MGAT4C: variants seen among roughly 807,000 people sequenced by gnomAD.
The protein encoded by MGAT4C is alpha-1,3-mannosyl-glycoprotein 4-beta-N-acetylglucosaminyltransferase C.
Under a neutral mutation model 40.1 loss-of-function variants are expected in MGAT4C, and 19 were observed. The observed-to-expected ratio is 0.47, with a 90% CI of 0.33 to 0.70. The LOEUF is 0.70. Ranked by LOEUF, MGAT4C falls within the 30% of genes least tolerant of loss-of-function variation. The probability of loss-of-function intolerance (pLI) is 0.02; values close to 1 mark genes in which losing one functional copy is unlikely to be tolerated. For synonymous variants in MGAT4C, 181 were observed against 187.1 expected (o/e 0.97, Z 0.27); for missense variants, 491 against 563.2 (o/e 0.87, Z 1.30).
intron 1 of MGAT4C, among the ~76,000 whole-genome samples, chr12:86,189,737 A>AATTT: frequency 6.6e-6 from 1 of 152,186 alleles, no homozygotes; most frequent in South Asian, 2.1e-4. Flanking sequence ...TGAAAGCAAA[A>AATTT]CAAAAACTAA....
At chr12:86,046,232 T>C (rs1892384752) in intron 2 of MGAT4C, among the ~76,000 whole-genome samples, 1 of 152,172 alleles carries the variant, frequency 6.6e-6, no homozygotes, top group African/African-American at 2.4e-5. Flanking sequence ...ACCTCTCCCA[T>C]CAAGAAGTGA....
chr12:86,286,934 G>A (rs1359375103), intron 4 of MGAT4C, among the ~76,000 whole-genome samples: 1 of 152,068 alleles, frequency 6.6e-6, no homozygotes, highest in African/African-American at 2.4e-5. Flanking sequence ...TTTTCTGTGG[G>A]TGCATGGTAT....
At chr12:86,110,659 C>T (rs1877213443) in intron 1 of MGAT4C, among the ~76,000 whole-genome samples, 1 of 151,328 alleles carries the variant, frequency 6.6e-6, no homozygotes, top group Non-Finnish European at 1.5e-5. Flanking sequence ...AAACGTTTCT[C>T]TAAAAAGTAT....
At chr12:86,053,721 A>G (rs916393505) in intron 1 of MGAT4C, among the ~76,000 whole-genome samples, 1 of 152,036 alleles carries the variant, frequency 6.6e-6, no homozygotes, top group Admixed American at 6.6e-5. Context: ...GAACTCAAAC[A>G]AACTATTAGC....
chr12:85,982,127 T>G, intron 4 of MGAT4C, among the ~76,000 whole-genome samples: 1 of 152,190 alleles, frequency 6.6e-6, no homozygotes, highest in East Asian at 1.9e-4. Context: ...TCACATAATT[T>G]ATTAAGATCA....
intron 2 of MGAT4C, among the ~76,000 whole-genome samples, chr12:86,515,181 A>T (rs1239214404): frequency 6.6e-6 from 1 of 152,212 alleles, no homozygotes; most frequent in Non-Finnish European, 1.5e-5. Flanking sequence ...GGCAGCTAGC[A>T]TGATACTTAA....
rs564557079 is a variant in MGAT4C at position 86,131,037 on chromosome 12, A to G, written c.-56-81314T>C. ...CATACTTTGTTAGTTCATCAGTGATAGAACTATAGTGAAAACATCTCTCAA... is the reference window on the plus strand; with the variant it reads ...CATACTTTGTTAGTTCATCAGTGATGGAACTATAGTGAAAACATCTCTCAA... On this transcript the variant is annotated intron_variant, in intron 1 of 4. Coordinates refer to ENST00000611864, the MANE Select transcript of MGAT4C (RefSeq NM_001351288.2). Among the ~76,000 whole-genome samples, 8 of 152,216 alleles carry G rather than the reference A, an allele frequency of 5.3e-5. No homozygotes were observed. In the South Asian group the frequency reaches 1.2e-3, roughly 24 times the overall value.
At chr12:86,123,501 C>T (rs1480413410) in intron 1 of MGAT4C, among the ~76,000 whole-genome samples, 2 of 151,936 alleles carry the variant, frequency 1.3e-5, no homozygotes, top group East Asian at 3.9e-4. Flanking sequence ...ACATGTAATA[C>T]CAAATCTTCA....
At chr12:86,802,731 A>G (rs1593221356) in intron 1 of MGAT4C, among the ~76,000 whole-genome samples, 1 of 147,572 alleles carries the variant, frequency 6.8e-6, no homozygotes, top group East Asian at 2.0e-4. Flanking sequence ...CTCTTCAAGG[A>G]GAACTACAAA....
At chr12:86,626,432 C>T (rs1962806374) in intron 2 of MGAT4C, among the ~76,000 whole-genome samples, 1 of 152,104 alleles carries the variant, frequency 6.6e-6, no homozygotes, top group African/African-American at 2.4e-5. Flanking sequence ...CTCTCCAAAT[C>T]AGACAACCTT....
At chr12:86,143,191 C>T (rs989928773) in intron 1 of MGAT4C, among the ~76,000 whole-genome samples, 7 of 152,056 alleles carry the variant, frequency 4.6e-5, no homozygotes, top group African/African-American at 1.7e-4. Context: ...CCTGAGGGGG[C>T]CCAATATTTA....
At chr12:86,299,822 T>C (rs1429977746) in intron 4 of MGAT4C, among the ~76,000 whole-genome samples, 3 of 152,188 alleles carry the variant, frequency 2.0e-5, no homozygotes, top group African/African-American at 7.2e-5. Context: ...TGAGATAAAA[T>C]TGTTTAAATA....
chr12:86,551,278 A>C (rs1342923702), intron 2 of MGAT4C, among the ~76,000 whole-genome samples: 1 of 152,230 alleles, frequency 6.6e-6, no homozygotes, highest in Non-Finnish European at 1.5e-5. Context: ...CCCAGGCCTG[A>C]TAAACAGTCT....
At chr12:86,013,797 C>T in intron 2 of MGAT4C, 2 of 916,136 alleles carry the variant, frequency 2.2e-6, no homozygotes, top group Non-Finnish European at 2.6e-6. Context: ...TTAGTAAACT[C>T]TTTTCTCTCC....
intron 2 of MGAT4C, among the ~76,000 whole-genome samples, chr12:86,708,949 TG>T (rs1950510768): frequency 1.3e-5 from 2 of 152,172 alleles, no homozygotes; most frequent in Non-Finnish European, 2.9e-5. Flanking sequence ...TGTGGACTTT[TG>T]AGTTAATGCT....
chr12:86,406,782 T>G (rs917018373), intron 3 of MGAT4C, among the ~76,000 whole-genome samples: 2 of 152,082 alleles, frequency 1.3e-5, no homozygotes, highest in African/African-American at 4.8e-5. Context: ...TGAGATAAAC[T>G]TTTTTATCTC....
intron 2 of MGAT4C, among the ~76,000 whole-genome samples, chr12:86,725,140 T>C (rs1257319903): frequency 6.6e-6 from 1 of 152,208 alleles, no homozygotes; most frequent in Non-Finnish European, 1.5e-5. Context: ...GCCTAGCATT[T>C]TATTTGCTTT....
intron 2 of MGAT4C, among the ~76,000 whole-genome samples, chr12:86,654,569 T>TA (rs1963787567): frequency 6.6e-6 from 1 of 151,982 alleles, no homozygotes; most frequent in African/African-American, 2.4e-5. Context: ...CTCTTCAAGT[T>TA]AGTGTGTTTA....
intron 4 of MGAT4C, among the ~76,000 whole-genome samples, chr12:86,325,130 A>G (rs11103930): frequency 0.13 from 19,520 of 152,068 alleles, 3,200 homozygotes; most frequent in African/African-American, 0.37. Flanking sequence ...TCAATTCTAT[A>G]TATGTTATTT....
Sources: gnomAD v4.1 joint callset for allele counts (sites outside exome capture counted in the v4.1 genomes callset) on GRCh38, gnomAD v4.1.1 for gene constraint, MANE v1.5 for transcripts, NCBI Gene and HGNC (gene_info 2026-07-23, HGNC 2026-07-21) for gene names.